INSL6: variants seen among roughly 807,000 people sequenced by gnomAD.
INSL6 encodes the protein insulin like 6.
Under a neutral mutation model 9.4 loss-of-function variants are expected in INSL6, and 16 were observed. The ratio of observed to expected loss-of-function variants is 1.70; its 90% CI spans 1.15 to 2.59. The LOEUF is 2.59. Ranked by LOEUF, INSL6 falls within the 30% of genes most tolerant of loss-of-function variation. The probability of loss-of-function intolerance (pLI) is 0.00; values close to 1 mark genes in which losing one functional copy is unlikely to be tolerated. For synonymous variants in INSL6, 154 were observed against 96.9 expected, an observed-to-expected ratio of 1.59 and a Z score of -3.46; for missense variants, 391 against 257.3, an observed-to-expected ratio of 1.52 and a Z score of -3.56.
the INSL6 span, among the ~76,000 whole-genome samples, chr9:5,087,088 A>G: frequency 1.3e-5 from 2 of 152,212 alleles, no homozygotes; most frequent in Non-Finnish European, 2.9e-5. Context: ...GGTTTCCAAC[A>G]TTGGTTAGGC....
intron 1 of INSL6, among the ~76,000 whole-genome samples, chr9:5,171,778 C>T (rs555933727): frequency 1.3e-5 from 2 of 152,120 alleles, no homozygotes; most frequent in South Asian, 2.1e-4. Context: ...ATACAGTTAG[C>T]GAGGAACATG....
intron 3 of INSL6, chr9:5,126,300 G>A (rs753983421): frequency 1.4e-6 from 2 of 1,456,784 alleles, no homozygotes; most frequent in Admixed American, 1.9e-5. Context: ...CAAATTAAAT[G>A]TACAAAAAAT....
At chr9:5,040,802 T>C in the INSL6 span, 1 of 205,448 alleles carries the variant, frequency 4.9e-6, no homozygotes, top group Non-Finnish European at 9.9e-6. Flanking sequence ...GCCCAGGCGG[T>C]GCAGGAGCTG....
the INSL6 span, chr9:5,064,986 T>C: frequency 6.2e-7 from 1 of 1,610,932 alleles, no homozygotes; most frequent in Non-Finnish European, 8.5e-7. Context: ...TGTAAAGAAG[T>C]AGCACCTCCA....
the INSL6 span, among the ~76,000 whole-genome samples, chr9:5,092,800 G>A: frequency 1.3e-5 from 2 of 152,168 alleles, no homozygotes; most frequent in Non-Finnish European, 2.9e-5. Context: ...CAAGCCTGCT[G>A]ATAGCTGGTT....
the INSL6 span, among the ~76,000 whole-genome samples, chr9:5,117,118 C>T: frequency 6.6e-6 from 1 of 152,224 alleles, no homozygotes; most frequent in Non-Finnish European, 1.5e-5. Flanking sequence ...ACAAGGCTCC[C>T]CTTGGAAGCA....
intron 3 of INSL6, among the ~76,000 whole-genome samples, chr9:5,125,646 T>C (rs1038830200): frequency 2.0e-5 from 3 of 149,148 alleles, no homozygotes; most frequent in African/African-American, 7.5e-5. Flanking sequence ...ATTTCATCAT[T>C]TGCCACTATT....
chr9:5,022,155 C>G, the INSL6 span: 1 of 1,614,124 alleles, frequency 6.2e-7, no homozygotes, highest in Non-Finnish European at 8.5e-7. Flanking sequence ...ATTATCTGAC[C>G]TTTCCATCTG....
chr9:5,076,513 A>G, the INSL6 span, among the ~76,000 whole-genome samples: 1 of 152,290 alleles, frequency 6.6e-6, no homozygotes, highest in Admixed American at 6.5e-5. Flanking sequence ...GTATTTTTAA[A>G]AAGATATATT....
the INSL6 span, chr9:5,090,582 C>A: frequency 1.3e-6 from 2 of 1,557,414 alleles, no homozygotes; most frequent in South Asian, 1.2e-5. Flanking sequence ...TAACTAATAT[C>A]CTGATTATTT....
chr9:5,116,601 G>T, the INSL6 span, among the ~76,000 whole-genome samples: 1 of 152,130 alleles, frequency 6.6e-6, no homozygotes, highest in African/African-American at 2.4e-5. Context: ...GTTATATGAA[G>T]ATTCAGAGAT....
chr9:5,044,866 G>T, the INSL6 span, among the ~76,000 whole-genome samples: 1 of 152,042 alleles, frequency 6.6e-6, no homozygotes, highest in East Asian at 1.9e-4. Context: ...TTTCTTTATG[G>T]TTTTTAAAAA....
At chr9:5,059,173 A>G in the INSL6 span, among the ~76,000 whole-genome samples, 12 of 152,226 alleles carry the variant, frequency 7.9e-5, no homozygotes, top group South Asian at 2.3e-3. Context: ...ACCCACCTCA[A>G]AAAACAGAAT....
chr9:5,106,592 C>T, the INSL6 span, among the ~76,000 whole-genome samples: 4 of 152,222 alleles, frequency 2.6e-5, no homozygotes, highest in Non-Finnish European at 5.9e-5. Context: ...TATAAAGACA[C>T]ATGCCCATGT....
the INSL6 span, among the ~76,000 whole-genome samples, chr9:5,050,044 A>G: frequency 1.2e-4 from 19 of 152,312 alleles, 1 homozygote; most frequent in African/African-American, 4.3e-4. Context: ...TGTATCCAAC[A>G]CCACTTGTAG....
chr9:5,106,320 A>T, the INSL6 span, among the ~76,000 whole-genome samples: 1 of 152,276 alleles, frequency 6.6e-6, no homozygotes, highest in African/African-American at 2.4e-5. Context: ...TGGTCATCAG[A>T]GAAATGGAAA....
At chr9:4,998,039 A>C in the INSL6 span, among the ~76,000 whole-genome samples, 1 of 152,200 alleles carries the variant, frequency 6.6e-6, no homozygotes, top group Non-Finnish European at 1.5e-5. Flanking sequence ...GCTTAAATTC[A>C]TACTGATTTA....
chr9:5,020,391 G>C, the INSL6 span, among the ~76,000 whole-genome samples: 3 of 152,178 alleles, frequency 2.0e-5, no homozygotes, highest in Non-Finnish European at 4.4e-5. Flanking sequence ...GGCAGGGTGA[G>C]AGTATCCTCA....
the INSL6 span, chr9:5,080,794 C>T: frequency 1.3e-6 from 1 of 762,978 alleles, no homozygotes; most frequent in Non-Finnish European, 2.0e-6. Context: ...GTCATTTGGG[C>T]CCTCTTAATT....
Sources: allele counts gnomAD v4.1 joint callset (sites outside exome capture counted in the v4.1 genomes callset), GRCh38; gene constraint gnomAD v4.1.1; transcripts MANE v1.5; gene names NCBI Gene and HGNC (gene_info 2026-07-23, HGNC 2026-07-21).